The following PHF24 variants were observed in gnomAD, a reference collection of about 807,000 sequenced individuals.
PHF24 encodes PHD finger protein 24, also known as Galpha inhibitory interacting protein.
In PHF24, 25 loss-of-function variants were observed where a neutral mutation model predicts 42.6. That is an observed-to-expected ratio of 0.59 (90% confidence interval 0.43 to 0.82). The LOEUF (loss-of-function observed/expected upper bound fraction) is 0.82, where lower values mean the gene tolerates loss of function less well. PHF24 is among the 40% of genes least tolerant of loss of function. The probability of loss-of-function intolerance (pLI) is 0.00; values close to 1 mark genes in which losing one functional copy is unlikely to be tolerated. For synonymous variants in PHF24, 185 were observed against 204.8 expected, an observed-to-expected ratio of 0.90 and a Z score of 0.83; for missense variants, 470 against 538.1, an observed-to-expected ratio of 0.87 and a Z score of 1.25.
the PHF24 span, among the ~76,000 whole-genome samples, chr9:34,794,479 A>T: frequency 6.6e-6 from 1 of 152,228 alleles, no homozygotes; most frequent in African/African-American, 2.4e-5. Flanking sequence ...AGAAAAATAC[A>T]ATCAACAGAT....
chr9:34,898,119 G>T, the PHF24 span, among the ~76,000 whole-genome samples: 46 of 152,158 alleles, frequency 3.0e-4, no homozygotes, highest in Non-Finnish European at 5.4e-4. Flanking sequence ...ATTGCAAATT[G>T]TGCTGCTATA....
At chr9:34,691,900 C>T in the PHF24 span, among the ~76,000 whole-genome samples, 5 of 152,194 alleles carry the variant, frequency 3.3e-5, no homozygotes, top group African/African-American at 1.2e-4. Context: ...TTCCTATGTC[C>T]AACACCTGGG....
chr9:34,959,680 G>A (rs1450783624), intron 1 of PHF24, among the ~76,000 whole-genome samples: 1 of 152,176 alleles, frequency 6.6e-6, no homozygotes, highest in Non-Finnish European at 1.5e-5. Flanking sequence ...TCAGGGTGTG[G>A]CTTCCTTCAC....
chr9:34,768,794 T>C, the PHF24 span, among the ~76,000 whole-genome samples: 2 of 151,932 alleles, frequency 1.3e-5, no homozygotes, highest in African/African-American at 4.8e-5. Flanking sequence ...CATTAAAAAA[T>C]GGTAAAATGA....
chr9:34,981,362 G>C (rs564596026), exon 8 of PHF24: 9 of 152,352 alleles, frequency 5.9e-5, no homozygotes, highest in African/African-American at 1.9e-4. Flanking sequence ...ACACCTCCTT[G>C]GGGGAGTGAG....
At chr9:34,981,777 T>A (rs867079642) in exon 8 of PHF24, 2 of 151,472 alleles carry the variant, frequency 1.3e-5, no homozygotes, top group African/African-American at 4.9e-5. Context: ...CAAGCTCTTA[T>A]CTGAAAAAAT....
chr9:34,933,533 G>A, the PHF24 span, among the ~76,000 whole-genome samples: 1 of 151,860 alleles, frequency 6.6e-6, no homozygotes, highest in Non-Finnish European at 1.5e-5. Flanking sequence ...GACCATCCTG[G>A]CTAACACGGT....
intron 1 of PHF24, among the ~76,000 whole-genome samples, chr9:34,968,619 G>C (rs1043940348): frequency 3.9e-5 from 6 of 152,296 alleles, no homozygotes; most frequent in Admixed American, 3.3e-4. Flanking sequence ...AGCAGTGTAG[G>C]AGTTCGCACC....
chr9:34,818,124 T>C, the PHF24 span, among the ~76,000 whole-genome samples: 1 of 152,262 alleles, frequency 6.6e-6, no homozygotes, highest in Non-Finnish European at 1.5e-5. Context: ...ATAATGTTGC[T>C]TGTGAATAGG....
At chr9:34,723,449 C>A in the PHF24 span, 15 of 1,551,800 alleles carry the variant, frequency 9.7e-6, no homozygotes, top group Non-Finnish European at 1.2e-5. Context: ...CTCCGTCTTA[C>A]TTCTCCCCAC....
chr9:34,716,932 C>T, the PHF24 span, among the ~76,000 whole-genome samples: 1 of 152,236 alleles, frequency 6.6e-6, no homozygotes, highest in East Asian at 1.9e-4. Flanking sequence ...TCAAGCTAGT[C>T]TGGAGAGGGA....
At chr9:34,797,617 G>C in the PHF24 span, among the ~76,000 whole-genome samples, 1 of 151,970 alleles carries the variant, frequency 6.6e-6, no homozygotes, top group African/African-American at 2.4e-5. Context: ...CCTTCTGCCG[G>C]TGTGCTCCCC....
chr9:34,804,637 C>G, the PHF24 span, among the ~76,000 whole-genome samples: 2 of 152,192 alleles, frequency 1.3e-5, no homozygotes, highest in Non-Finnish European at 2.9e-5. Flanking sequence ...GGACACATAT[C>G]AACTAATTGC....
the PHF24 span, among the ~76,000 whole-genome samples, chr9:34,850,811 C>T: frequency 6.6e-6 from 1 of 152,216 alleles, no homozygotes; most frequent in Non-Finnish European, 1.5e-5. Context: ...TAGTTTCCTT[C>T]TAACAGACAG....
At chr9:34,689,781 T>C in the PHF24 span, 1 of 1,613,590 alleles carries the variant, frequency 6.2e-7, no homozygotes. This position sits in a 1 kb window ranked among gnomAD's most constrained non-coding sequence, Gnocchi z 4.1. Context: ...TTCACAATGC[T>C]TGACTCGGAC....
chr9:34,939,741 ATCTACT>A, the PHF24 span, among the ~76,000 whole-genome samples: 3 of 152,084 alleles, frequency 2.0e-5, no homozygotes, highest in Non-Finnish European at 4.4e-5. Context: ...GGTCCCACAC[ATCTACT>A]TCTACTCAGG....
the PHF24 span, among the ~76,000 whole-genome samples, chr9:34,712,519 T>C: frequency 2.6e-5 from 4 of 152,184 alleles, no homozygotes; most frequent in East Asian, 7.7e-4. Context: ...TGATCCTTTT[T>C]TTTCTGCTTA....
At chr9:34,886,826 GTATCTATGTATCTATC>G in the PHF24 span, among the ~76,000 whole-genome samples, 6 of 80,806 alleles carry the variant, frequency 7.4e-5, no homozygotes, top group African/African-American at 1.9e-4. Flanking sequence ...ATGTATCTAT[GTATCTATGTATCTATC>G]TATCTATCTA....
At chr9:34,678,690 A>C in the PHF24 span, among the ~76,000 whole-genome samples, 2 of 150,622 alleles carry the variant, frequency 1.3e-5, no homozygotes, top group Non-Finnish European at 3.0e-5. Context: ...GAGTGCAGTG[A>C]CACGATCTCG....
Sources: gnomAD v4.1 joint callset for allele counts (sites outside exome capture counted in the v4.1 genomes callset) on GRCh38, gnomAD v4.1.1 for gene constraint, Gnocchi (gnomAD v3.1) non-coding constraint, MANE v1.5 for transcripts, NCBI Gene and HGNC (gene_info 2026-07-23, HGNC 2026-07-21) for gene names.